Variants in ATXN1 observed in about 807,000 individuals in gnomAD.
ATXN1 encodes ataxin-1.
ATXN1 carries 8 observed loss-of-function variants against 56.4 expected under a neutral mutation model. That is an observed-to-expected ratio of 0.14 (90% CI 0.08 to 0.26). The LOEUF (loss-of-function observed/expected upper bound fraction) is 0.26. ATXN1 is among the 10% of genes least tolerant of loss of function. The pLI, the probability that ATXN1 is intolerant of heterozygous loss-of-function variation, is 1.00. For synonymous variants in ATXN1, 514 were observed against 494.6 expected (o/e 1.04, Z -0.52); for missense variants, 987 against 1,106.5 (o/e 0.89, Z 1.53).
intron 4 of ATXN1, among the ~76,000 whole-genome samples, chr6:16,528,619 CA>C (rs1761439238): frequency 6.6e-6 from 1 of 152,196 alleles, no homozygotes; most frequent in Non-Finnish European, 1.5e-5. Flanking sequence ...ATATTTGCCA[CA>C]ACCATTTGCT....
At chr6:16,339,301 A>T (rs1761191963) in intron 6 of ATXN1, among the ~76,000 whole-genome samples, 1 of 152,232 alleles carries the variant, frequency 6.6e-6, no homozygotes, top group Non-Finnish European at 1.5e-5. Context: ...CAAGTCAGGA[A>T]AAAGGTCTCG....
At chr6:16,382,418 G>A (rs876607) in intron 6 of ATXN1, among the ~76,000 whole-genome samples, 51,784 of 151,736 alleles carry the variant, frequency 0.34, 10,333 homozygotes, top group East Asian at 0.92. Flanking sequence ...AGCTATGATC[G>A]TGCCAGTGCT....
chr6:16,469,379 G>C (rs547773243), intron 6 of ATXN1, among the ~76,000 whole-genome samples: 31 of 152,340 alleles, frequency 2.0e-4, no homozygotes, highest in African/African-American at 7.5e-4. Context: ...AAGCTTCTAA[G>C]ATAGGATCTA....
intron 6 of ATXN1, among the ~76,000 whole-genome samples, chr6:16,373,686 G>A (rs1345391673): frequency 2.6e-5 from 4 of 152,126 alleles, no homozygotes; most frequent in Non-Finnish European, 5.9e-5. Flanking sequence ...TTTATAAGAG[G>A]TTTCCCCTTT....
intron 2 of ATXN1, among the ~76,000 whole-genome samples, chr6:16,706,440 G>A (rs1301649389): frequency 1.3e-5 from 2 of 152,110 alleles, no homozygotes; most frequent in African/African-American, 4.8e-5. Context: ...TAAAGGAAGA[G>A]AGGGCCGGGC....
At chr6:16,664,909 T>C (rs1369434816) in intron 2 of ATXN1, among the ~76,000 whole-genome samples, 1 of 152,148 alleles carries the variant, frequency 6.6e-6, no homozygotes, top group East Asian at 1.9e-4. Context: ...TTAATAGAAA[T>C]ACTAATATAC....
At chr6:16,589,889 G>A (rs1181099123) in intron 3 of ATXN1, among the ~76,000 whole-genome samples, 2 of 152,202 alleles carry the variant, frequency 1.3e-5, no homozygotes, top group Non-Finnish European at 2.9e-5. Flanking sequence ...AGTCTTATCC[G>A]TTGCAACTGA....
chr6:16,397,763 T>C (rs1356016337), intron 6 of ATXN1, among the ~76,000 whole-genome samples: 1 of 152,224 alleles, frequency 6.6e-6, no homozygotes, highest in Non-Finnish European at 1.5e-5. Context: ...GCTACTGAAA[T>C]CAGTCTGACT....
At chr6:16,422,919 T>G (rs574083877) in intron 6 of ATXN1, among the ~76,000 whole-genome samples, 17 of 152,246 alleles carry the variant, frequency 1.1e-4, no homozygotes, top group Non-Finnish European at 1.8e-4. Flanking sequence ...CTTAAAGGTT[T>G]ACTACTGAAA....
intron 2 of ATXN1, among the ~76,000 whole-genome samples, chr6:16,719,404 A>C (rs1347270592): frequency 2.0e-5 from 3 of 152,366 alleles, no homozygotes; most frequent in Middle Eastern, 3.4e-3. Flanking sequence ...AAAACTGTCA[A>C]GTGAAATAAT....
In ATXN1 at chr6:16,398,815, A is replaced by T. The variant is rs78891031; in HGVS notation, c.-160-70345T>A. On this transcript the variant is annotated intron_variant, in intron 6 of 7. Transcript: ENST00000436367. ...TTCCAGTAAAAACACAACACTGCTT[A>T]TGAATTGTAGCACTTGGAGAAGACT... Among the ~76,000 whole-genome samples, 541 of 152,358 alleles carry T rather than the reference A, an allele frequency of 3.6e-3. 16 individuals carry two copies. The highest frequency in any genetic ancestry group is 4.2e-3 in the Non-Finnish European group (287 of 68,030).
chr6:16,761,389 C>G lies in ATXN1; in HGVS notation c.-821G>C. On this transcript the variant is annotated 5_prime_UTR_variant, in exon 1 of 8. Transcript: ENST00000436367. Reference sequence around the variant, plus strand: ...GCGGCTGCTGTTGCTCTGGCTGCTGCTCCACGGGGCTTGTTTTGGATCCCC... The same window carrying G: ...GCGGCTGCTGTTGCTCTGGCTGCTGGTCCACGGGGCTTGTTTTGGATCCCC... 2.2e-6 allele frequency: 1 copy of G among 456,590 alleles called. No individual in the cohort carries two copies. The highest frequency in any genetic ancestry group is 4.4e-6 in the Non-Finnish European group (1 of 226,938). The allele number at this position is 456,590 out of a possible 1,614,324, so 28.3% of individuals were successfully genotyped here.
intron 4 of ATXN1, among the ~76,000 whole-genome samples, chr6:16,580,454 T>A (rs1041861911): frequency 6.6e-6 from 1 of 152,240 alleles, no homozygotes. Flanking sequence ...TTGCCAACAT[T>A]GAAAGCAGCA....
intron 3 of ATXN1, among the ~76,000 whole-genome samples, chr6:16,605,491 G>T (rs1406606824): frequency 6.6e-6 from 1 of 152,170 alleles, no homozygotes; most frequent in Admixed American, 6.5e-5. Flanking sequence ...AGACAATGCT[G>T]CAGGGACACA....
At chr6:16,474,855 C>CAT (rs1760293897) in intron 6 of ATXN1, among the ~76,000 whole-genome samples, 1 of 149,280 alleles carries the variant, frequency 6.7e-6, no homozygotes, top group Admixed American at 6.7e-5. Context: ...CACACACACA[C>CAT]ACACACACAC....
chr6:16,645,222 A>G (rs1417014381), intron 3 of ATXN1, among the ~76,000 whole-genome samples: 1 of 152,162 alleles, frequency 6.6e-6, no homozygotes, highest in East Asian at 1.9e-4. Context: ...TCACGCCCAA[A>G]CTGCATCTAC....
chr6:16,510,860 G>A (rs1277589139), intron 5 of ATXN1, among the ~76,000 whole-genome samples: 1 of 152,198 alleles, frequency 6.6e-6, no homozygotes, highest in East Asian at 1.9e-4. Flanking sequence ...ATAGATCTGG[G>A]AAGATTTTGT....
chr6:16,651,021 A>G (rs1763882858), intron 3 of ATXN1, among the ~76,000 whole-genome samples: 1 of 152,364 alleles, frequency 6.6e-6, no homozygotes, highest in Middle Eastern at 3.4e-3. Context: ...GTACTTTTCC[A>G]TATTTCCACA....
At chr6:16,514,771 C>A (rs1761147403) in intron 5 of ATXN1, among the ~76,000 whole-genome samples, 1 of 151,900 alleles carries the variant, frequency 6.6e-6, no homozygotes, top group Non-Finnish European at 1.5e-5. Flanking sequence ...ATCACGAGGT[C>A]AAGAGATCGA....
Sources: gnomAD v4.1 joint callset for allele counts (sites outside exome capture counted in the v4.1 genomes callset) on GRCh38, gnomAD v4.1.1 for gene constraint, MANE v1.5 for transcripts, NCBI Gene and HGNC (gene_info 2026-07-23, HGNC 2026-07-21) for gene names.